The following NELL1 variants were observed in gnomAD, a reference collection of about 807,000 sequenced individuals.
The protein encoded by NELL1 is protein kinase C-binding protein NELL1.
NELL1 carries 76 observed loss-of-function variants against 107.4 expected under a neutral mutation model. The ratio of observed to expected loss-of-function variants is 0.71; its 90% CI spans 0.59 to 0.86. The LOEUF is 0.86. Among genes scored for constraint, NELL1 ranks in the 40% least tolerant of loss-of-function variants. The probability of loss-of-function intolerance (pLI) is 0.00; values close to 1 mark genes in which losing one functional copy is unlikely to be tolerated. For missense variants in NELL1, 1,024 were observed against 1,005.5 expected (o/e 1.02, Z -0.25); for synonymous variants, 353 against 341.2 (o/e 1.03, Z -0.38).
chr11:21,228,508 G>A (rs374244608), intron 13 of NELL1, among the ~76,000 whole-genome samples: 1 of 152,080 alleles, frequency 6.6e-6, no homozygotes. Flanking sequence ...CCTACTCTCA[G>A]CACAATCCTG....
chr11:21,487,323 T>A (rs10766822), intron 15 of NELL1, among the ~76,000 whole-genome samples: 128,446 of 152,152 alleles, frequency 0.84, 54,448 homozygotes, highest in East Asian at 0.98. Flanking sequence ...GCTGAAAGAA[T>A]AAACTGACAG....
intron 4 of NELL1, among the ~76,000 whole-genome samples, chr11:20,862,932 G>A (rs967211645): frequency 6.6e-6 from 1 of 152,150 alleles, no homozygotes; most frequent in African/African-American, 2.4e-5. Flanking sequence ...TAAGGTCATA[G>A]ATCAACAGCA....
intron 2 of NELL1, among the ~76,000 whole-genome samples, chr11:20,678,725 G>A (rs1427360805): frequency 6.6e-6 from 1 of 152,084 alleles, no homozygotes; most frequent in African/African-American, 2.4e-5. Context: ...CTCAAATGGT[G>A]GAAGGGATGG....
At chr11:20,963,067 A>G (rs1851321020) in intron 12 of NELL1, among the ~76,000 whole-genome samples, 1 of 152,118 alleles carries the variant, frequency 6.6e-6, no homozygotes, top group Admixed American at 6.6e-5. Flanking sequence ...CATCTTCAGC[A>G]TTTGAACTTT....
intron 12 of NELL1, among the ~76,000 whole-genome samples, chr11:21,101,867 C>T (rs1854825456): frequency 6.6e-6 from 1 of 152,058 alleles, no homozygotes; most frequent in South Asian, 2.1e-4. Context: ...TTCTTTCTTT[C>T]TTTCTTTCTT....
At chr11:20,764,578 A>G (rs1856490675) in intron 2 of NELL1, among the ~76,000 whole-genome samples, 1 of 151,812 alleles carries the variant, frequency 6.6e-6, no homozygotes, top group Admixed American at 6.6e-5. Context: ...GAAACAAATA[A>G]ATAAATATTG....
At chr11:21,061,026 C>G (rs1403603639) in intron 12 of NELL1, among the ~76,000 whole-genome samples, 1 of 152,178 alleles carries the variant, frequency 6.6e-6, no homozygotes, top group Non-Finnish European at 1.5e-5. Flanking sequence ...TGAGCCACCA[C>G]GCCTGGCCCC....
intron 5 of NELL1, among the ~76,000 whole-genome samples, chr11:20,912,477 A>G (rs573363461): frequency 6.6e-6 from 1 of 152,260 alleles, no homozygotes; most frequent in Non-Finnish European, 1.5e-5. Context: ...ACAATTTCAG[A>G]GGGTGAAAAA....
At chr11:21,342,409 A>AT (rs1850586626) in intron 14 of NELL1, among the ~76,000 whole-genome samples, 1 of 68,914 alleles carries the variant, frequency 1.5e-5, no homozygotes, top group Non-Finnish European at 2.8e-5. Context: ...GAGAGGCTTA[A>AT]GTGGGGGGGG....
At chr11:21,446,164 T>C (rs551009413) in intron 15 of NELL1, among the ~76,000 whole-genome samples, 1 of 152,268 alleles carries the variant, frequency 6.6e-6, no homozygotes, top group Admixed American at 6.5e-5. Context: ...ATTGCATTTT[T>C]CAACTCCAGA....
At chr11:21,392,071 A>T (rs899008367) in intron 15 of NELL1, among the ~76,000 whole-genome samples, 6 of 151,784 alleles carry the variant, frequency 4.0e-5, no homozygotes, top group Non-Finnish European at 1.5e-5. Flanking sequence ...AAGACAAAAG[A>T]TTGTAAAATT....
In NELL1 at chr11:20,910,266, A is replaced by C. The variant is rs755386836; in HGVS notation, c.604-7916A>C. 3.9e-5 allele frequency among the ~76,000 whole-genome samples: 6 copies of C among 152,302 alleles called. No homozygotes were observed. In the Middle Eastern group the frequency reaches 0.01, roughly 259 times the overall value. Reference sequence around the variant, plus strand: ...GATGTTCACAAGACCCTTGAGGCCTAGGCTGGGAACTGGCACACCATCACT... The same window carrying C: ...GATGTTCACAAGACCCTTGAGGCCTCGGCTGGGAACTGGCACACCATCACT... On this transcript the variant is annotated intron_variant, in intron 5 of 19. Coordinates refer to ENST00000357134, the MANE Select transcript of NELL1 (RefSeq NM_006157.5).
chr11:20,975,956 T>A (rs1851616873), intron 12 of NELL1, among the ~76,000 whole-genome samples: 1 of 129,582 alleles, frequency 7.7e-6, no homozygotes, highest in African/African-American at 3.0e-5. Flanking sequence ...TATATGTACA[T>A]TATATATACA....
At chr11:20,701,361 A>AT (rs1380685601) in intron 2 of NELL1, among the ~76,000 whole-genome samples, 4 of 151,236 alleles carry the variant, frequency 2.6e-5, no homozygotes, top group African/African-American at 7.3e-5. Flanking sequence ...GGGTTGTTTG[A>AT]TTTTTTCTTG....
At chr11:20,689,152 G>T (rs946973994) in intron 2 of NELL1, among the ~76,000 whole-genome samples, 2 of 151,918 alleles carry the variant, frequency 1.3e-5, no homozygotes, top group Non-Finnish European at 2.9e-5. Flanking sequence ...AATTGTTTAA[G>T]TTCCTTATAG....
At chr11:20,961,090 A>C (rs1210749365) in intron 12 of NELL1, among the ~76,000 whole-genome samples, 1 of 152,180 alleles carries the variant, frequency 6.6e-6, no homozygotes, top group Non-Finnish European at 1.5e-5. Flanking sequence ...GGAGGGACTC[A>C]TAACTTTGGC....
chr11:21,104,807 A>G (rs759488208), intron 12 of NELL1, among the ~76,000 whole-genome samples: 2 of 152,210 alleles, frequency 1.3e-5, no homozygotes, highest in East Asian at 3.8e-4. Context: ...GGCTTGCACA[A>G]CAAATGTTAT....
At chr11:20,930,519 T>C (rs924620335) in intron 9 of NELL1, among the ~76,000 whole-genome samples, 4 of 152,208 alleles carry the variant, frequency 2.6e-5, no homozygotes, top group African/African-American at 9.6e-5. Flanking sequence ...TTCACTATTA[T>C]AAAGCACGCT....
At chr11:21,525,278 C>T (rs965981635) in intron 15 of NELL1, among the ~76,000 whole-genome samples, 1 of 152,046 alleles carries the variant, frequency 6.6e-6, no homozygotes, top group Admixed American at 6.6e-5. Flanking sequence ...ATAGCAGGTA[C>T]CTTTCAGATT....
Sources: gnomAD v4.1 joint callset for allele counts (sites outside exome capture counted in the v4.1 genomes callset) on GRCh38, gnomAD v4.1.1 for gene constraint, MANE v1.5 for transcripts, NCBI Gene and HGNC (gene_info 2026-07-23, HGNC 2026-07-21) for gene names.